Variants in ZNF292 observed in about 807,000 individuals in gnomAD.
ZNF292 encodes 16 zinc-finger domain protein.
ZNF292 carries 26 observed loss-of-function variants against 217.9 expected under a neutral mutation model. The observed-to-expected ratio is 0.12, with a 90% confidence interval of 0.09 to 0.17. The LOEUF is 0.17. ZNF292 is among the 10% of genes least tolerant of loss of function. ZNF292 has a pLI of 1.00. For synonymous variants in ZNF292, 1,257 were observed against 1,124.1 expected, an observed-to-expected ratio of 1.12 and a Z score of -2.37; for missense variants, 2,904 against 3,175.2, an observed-to-expected ratio of 0.91 and a Z score of 2.05.
intron 5 of ZNF292, among the ~76,000 whole-genome samples, chr6:87,241,700 G>C (rs1027709011): frequency 6.6e-6 from 1 of 152,202 alleles, no homozygotes; most frequent in Non-Finnish European, 1.5e-5. Context: ...GATTACAGGC[G>C]TGAGCCACCG....
At chr6:87,241,885 A>G (rs1041077247) in intron 5 of ZNF292, among the ~76,000 whole-genome samples, 1 of 152,216 alleles carries the variant, frequency 6.6e-6, no homozygotes, top group Non-Finnish European at 1.5e-5. Context: ...TTCTGGACGT[A>G]TGAGGGGGTT....
In ZNF292 at chr6:87,259,828, T is replaced by C; in HGVS notation, c.6199T>C (p.Cys2067Arg). ...LQVITVTSEQ[C>R]NTNALTNTQT... The stretch of plus-strand genomic sequence containing the variant: ...AGTGATTACAGTTACTTCAGAACAA[T>C]GTAATACAAATGCACTCACAAACAC... Residue 2067 changes from cysteine to arginine, a missense_variant, in exon 8 of 8, where the codon TGT becomes CGT. Physicochemically the swap from Cys to Arg is radical, Grantham distance 180. Transcript: ENST00000369577. The C allele has an allele frequency of 6.2e-7, 1 of 1,612,140 alleles. No homozygotes were observed.
chr6:87,223,514 C>G (rs1475620469), intron 4 of ZNF292: 1 of 152,116 alleles, frequency 6.6e-6, no homozygotes, highest in Non-Finnish European at 1.5e-5. Flanking sequence ...AATGTGCAGC[C>G]CATCTTCAAG....
intron 1 of ZNF292, among the ~76,000 whole-genome samples, chr6:87,191,210 C>T (rs550776317): frequency 6.6e-6 from 1 of 152,038 alleles, no homozygotes; most frequent in Admixed American, 6.5e-5. Context: ...AATGTTTTGG[C>T]TTCCCAGGCC....
Position 87,260,645 on chromosome 6 carries a change from A to T in ZNF292, c.7016A>T (p.Asn2339Ile), listed in dbSNP as rs79279807. 1 of 1,612,548 alleles carries T rather than the reference A, an allele frequency of 6.2e-7. No individual in the cohort carries two copies. The highest frequency in any genetic ancestry group is 8.5e-7 in the Non-Finnish European group (1 of 1,179,462). ...KMPKTKRKKK[N>I]NLENKNAKIV... is the part of the protein sequence containing the mutation. ...CCCAAGACCAAACGAAAGAAAAAAA[A>T]TAATTTAGAAAACAAGAATGCAAAG... The change falls in exon 8 of 8, where the codon AAT (asparagine) becomes ATT (isoleucine). Residue 2339 changes from asparagine (N) to isoleucine (I), a missense_variant. Physicochemically the swap from Asn to Ile is moderately radical, Grantham distance 149. Transcript: ENST00000369577.
At chr6:87,210,477 G>A (rs920263396) in intron 1 of ZNF292, among the ~76,000 whole-genome samples, 1 of 151,816 alleles carries the variant, frequency 6.6e-6, no homozygotes, top group African/African-American at 2.4e-5. Flanking sequence ...ACACTATAGA[G>A]CAGATGCAGT....
rs866862380 is a variant in ZNF292 at position 87,258,627 on chromosome 6, T to C, written c.4998T>C (p.Thr1666=). 9 of 1,613,628 alleles carry C rather than the reference T, an allele frequency of 5.6e-6. No homozygotes were observed. Among genetic ancestry groups the C allele is most frequent in the Admixed American group, 1.7e-5 (1 of 59,890 alleles). Residue 1666 remains threonine (T), a synonymous_variant, in exon 8 of 8, where the codon ACT becomes ACC. Coordinates refer to ENST00000369577, the MANE Select transcript of ZNF292 (RefSeq NM_015021.3). ...TAGCAAAGAGTGTTGAAATCCCAAC[T>C]ACTAACCTTCATTCAAATGTAATTC... ...GLIAKSVEIP[T]TNLHSNVIPT...
At chr6:87,164,268 C>T (rs1770843624) in intron 1 of ZNF292, among the ~76,000 whole-genome samples, 1 of 152,128 alleles carries the variant, frequency 6.6e-6, no homozygotes, top group Non-Finnish European at 1.5e-5. Context: ...TGGGCTGGCT[C>T]ATTTTTCTGT....
At chr6:87,173,172 C>G (rs1296127101) in intron 1 of ZNF292, among the ~76,000 whole-genome samples, 1 of 148,324 alleles carries the variant, frequency 6.7e-6, no homozygotes, top group Non-Finnish European at 1.5e-5. Flanking sequence ...TTGGAATTCT[C>G]CAGATTAATT....
intron 1 of ZNF292, among the ~76,000 whole-genome samples, chr6:87,195,714 A>G (rs1771936367): frequency 6.6e-6 from 1 of 152,186 alleles, no homozygotes; most frequent in Non-Finnish European, 1.5e-5. Context: ...AAATTATCTA[A>G]AAATTTGAAA....
rs115028202 is a variant in ZNF292, at chr6:87,184,452, C to T, written c.168+28693C>T. ...TCTTTCACCATTAAGGAGCTTAGTG[C>T]GCTCAACTTACCATAGGCTTTTTTT... is the stretch of plus-strand genomic sequence containing the variant. On this transcript the variant is annotated intron_variant, in intron 1 of 7. Coordinates refer to ENST00000369577, the MANE Select transcript of ZNF292 (RefSeq NM_015021.3). Among the ~76,000 whole-genome samples the T allele has an allele frequency of 5.7e-3, 843 of 147,008 alleles. 8 individuals carry two copies. Among genetic ancestry groups the T allele is most frequent in the African/African-American group, 0.02 (803 of 39,802 alleles).
At chr6:87,191,938 A>T (rs1008031532) in intron 1 of ZNF292, among the ~76,000 whole-genome samples, 8 of 152,196 alleles carry the variant, frequency 5.3e-5, no homozygotes, top group African/African-American at 1.9e-4. Flanking sequence ...CTGGGATTAC[A>T]GGTGTGAGCC....
intron 4 of ZNF292, among the ~76,000 whole-genome samples, chr6:87,221,749 G>A (rs182077321): frequency 4.6e-5 from 7 of 152,068 alleles, no homozygotes; most frequent in Admixed American, 3.9e-4. Context: ...ATCTACAATC[G>A]TGATTCCTCT....
rs1198166004 is a variant in ZNF292, at chr6:87,260,964, GAAT to G, written c.7336_7338del (p.Asn2446del). 1 of 1,609,656 alleles carries G rather than the reference GAAT, an allele frequency of 6.2e-7. No individual in the cohort carries two copies. The highest frequency in any genetic ancestry group is 1.7e-5 in the Admixed American group (1 of 59,286). ...AAACGTCTGAGCAAGAAGGTGCTAA[GAAT>G]GATGTGAAAGATTCTGACACGTGTG... is the stretch of plus-strand genomic sequence containing the variant. On this transcript the variant is annotated inframe_deletion, in exon 8 of 8. Coordinates refer to ENST00000369577, the MANE Select transcript of ZNF292 (RefSeq NM_015021.3).
intron 1 of ZNF292, among the ~76,000 whole-genome samples, chr6:87,185,231 A>G (rs530461151): frequency 1.3e-5 from 2 of 152,312 alleles, no homozygotes; most frequent in Admixed American, 6.5e-5. Context: ...ATATGATGCA[A>G]ATGTCCTTTG....
chr6:87,208,596 GC>G lies in ZNF292; in HGVS notation c.169-7306del, dbSNP rs199703684. Among the ~76,000 whole-genome samples, 549 of 87,822 alleles carry G rather than the reference GC, an allele frequency of 6.3e-3. 2 individuals are homozygous for G. Among genetic ancestry groups the G allele is most frequent in the African/African-American group, 0.043 (528 of 12,302 alleles). The allele number at this position is 87,822 out of a possible 152,430, so 57.6% of individuals were successfully genotyped here. On this transcript the variant is annotated intron_variant, in intron 1 of 7. Transcript: ENST00000369577. ...GCATGATTTCTCTTTATTCAAAGTTGCTTTTTTTTTCCCCCTTGTTTTGATT... is the reference window on the plus strand; with the variant it reads ...GCATGATTTCTCTTTATTCAAAGTTGTTTTTTTTTCCCCCTTGTTTTGATT...
chr6:87,250,023 T>TAAAAAAAAAAAAAAAAAAAAAAAAAAA (rs60486090), intron 7 of ZNF292, among the ~76,000 whole-genome samples: 1 of 99,262 alleles, frequency 1.0e-5, no homozygotes, highest in Non-Finnish European at 2.0e-5. Flanking sequence ...TGGTAACCCT[T>TAAAAAAAAAAAAAAAAAAAAAAAAAAA]AAAAAAAAAA....
chr6:87,158,310 T>C (rs910741177), intron 1 of ZNF292, among the ~76,000 whole-genome samples: 1 of 152,222 alleles, frequency 6.6e-6, no homozygotes, highest in Non-Finnish European at 1.5e-5. Flanking sequence ...GTTTTTTGTT[T>C]TGTTTCTCAG....
intron 5 of ZNF292, among the ~76,000 whole-genome samples, chr6:87,239,305 G>A (rs1398202267): frequency 1.3e-5 from 2 of 151,834 alleles, no homozygotes; most frequent in Non-Finnish European, 2.9e-5. Context: ...GCTGGGCAGA[G>A]GCGCCCCCCC....
Sources: gnomAD v4.1 joint callset for allele counts (sites outside exome capture counted in the v4.1 genomes callset) on GRCh38, gnomAD v4.1.1 for gene constraint, MANE v1.5 for transcripts, NCBI Gene and HGNC (gene_info 2026-07-23, HGNC 2026-07-21) for gene names.